Variants in VPS13B observed in about 807,000 individuals in gnomAD.
The protein encoded by VPS13B is vacuolar protein sorting 13 homolog B, also known as intermembrane lipid transfer protein VPS13B.
A neutral mutation model predicts 426.4 loss-of-function variants in VPS13B; 285 were observed. The ratio of observed to expected loss-of-function variants is 0.67; its 90% confidence interval spans 0.61 to 0.74. The LOEUF is 0.74. Among genes scored for constraint, VPS13B ranks in the 30% least tolerant of loss-of-function variants. The pLI is 0.00. For missense variants in VPS13B, 4,537 were observed against 4,782.6 expected (o/e 0.95, Z 1.51); for synonymous variants, 1,676 against 1,676.4 (o/e 1.00, Z 0.01).
At chr8:99,252,883 A>C (rs1817570734) in intron 17 of VPS13B, among the ~76,000 whole-genome samples, 1 of 152,154 alleles carries the variant, frequency 6.6e-6, no homozygotes, top group Non-Finnish European at 1.5e-5. Flanking sequence ...TATACAATTC[A>C]GGAGTTTTTA....
chr8:99,685,766 T>G (rs764060228), intron 35 of VPS13B, among the ~76,000 whole-genome samples: 4 of 152,234 alleles, frequency 2.6e-5, no homozygotes, highest in African/African-American at 4.8e-5. Flanking sequence ...GTTTTGAATT[T>G]TGCTGAATTT....
intron 19 of VPS13B, among the ~76,000 whole-genome samples, chr8:99,306,207 G>A (rs900491568): frequency 6.6e-6 from 1 of 152,022 alleles, no homozygotes; most frequent in African/African-American, 2.4e-5. Context: ...TGAACTATGT[G>A]GGCAGGATAA....
At chr8:99,292,540 G>A (rs1296038092) in intron 19 of VPS13B, among the ~76,000 whole-genome samples, 5 of 152,028 alleles carry the variant, frequency 3.3e-5, no homozygotes, top group East Asian at 1.9e-4. Flanking sequence ...GATTATAGTC[G>A]CTGAAGTAAG....
chr8:99,603,920 G>T (rs770950530), intron 33 of VPS13B, among the ~76,000 whole-genome samples: 1 of 152,138 alleles, frequency 6.6e-6, no homozygotes, highest in Non-Finnish European at 1.5e-5. Flanking sequence ...GCAGGAACCT[G>T]CTTATTCTAT....
chr8:99,832,742 G>A (rs1435161663), intron 52 of VPS13B, 90 bp downstream of exon 52: 1 of 1,334,546 alleles, frequency 7.5e-7, no homozygotes, highest in East Asian at 2.3e-5. Flanking sequence ...TGGTCGCAGG[G>A]CTCCCCATAT....
At position 99,795,699 on chromosome 8, in the gene VPS13B, C is replaced by T. The variant is rs140881206; in HGVS notation, c.7941+11223C>T. Among the ~76,000 whole-genome samples, 950 of 152,256 alleles carry T rather than the reference C, an allele frequency of 6.2e-3. 8 individuals are homozygous for T. The highest frequency in any genetic ancestry group is 0.021 in the African/African-American group (892 of 41,536). The stretch of plus-strand genomic sequence containing the variant: ...ATGGAGCTGCACTCCTCTGAAGGCT[C>T]ATCTGGTCTGGAAGATCCATCTCCA... On this transcript the variant is annotated intron_variant, in intron 43 of 61. Transcript: ENST00000357162.
Position 99,378,986 on chromosome 8 carries a change from C to T in VPS13B, c.2825-5222C>T, listed in dbSNP as rs576162123. Among the ~76,000 whole-genome samples, 4 of 152,242 alleles carry T rather than the reference C, an allele frequency of 2.6e-5. No homozygotes were observed. In the East Asian group the frequency reaches 5.8e-4, roughly 22 times the overall value. On this transcript the variant is annotated intron_variant, in intron 19 of 61. Coordinates refer to ENST00000357162, the MANE Select transcript of VPS13B (RefSeq NM_152564.5). Reference sequence around the variant, plus strand: ...ATTCCATGGCTTGTTATGAACTGGGCCACACAAAAGGAGGTGAGCAGCAGG... The same window carrying T: ...ATTCCATGGCTTGTTATGAACTGGGTCACACAAAAGGAGGTGAGCAGCAGG...
Position 99,876,145 on chromosome 8 carries a change from A to C in VPS13B, c.*479A>C, listed in dbSNP as rs1337831908. Reference sequence around the variant, plus strand: ...AGAATGTGGCCAGGCCTTACAATGGAGAGCCAGAGTTAAAACTTCAAGTTG... The same window carrying C: ...AGAATGTGGCCAGGCCTTACAATGGCGAGCCAGAGTTAAAACTTCAAGTTG... On this transcript the variant is annotated 3_prime_UTR_variant, in exon 62 of 62. Coordinates refer to ENST00000357162, the MANE Select transcript of VPS13B (RefSeq NM_152564.5). 1 of 171,302 alleles carries C rather than the reference A, an allele frequency of 5.8e-6. No homozygotes were observed. The highest frequency in any genetic ancestry group is 2.4e-5 in the African/African-American group (1 of 41,698). The allele number at this position is 171,302 out of a possible 1,614,324, so 10.6% of individuals were successfully genotyped here. A position where few individuals can be genotyped will look rare whatever the true frequency, so the allele number is the denominator to read the frequency against.
At chr8:99,452,963 T>C (rs950732213) in intron 23 of VPS13B, among the ~76,000 whole-genome samples, 1 of 152,204 alleles carries the variant, frequency 6.6e-6, no homozygotes, top group East Asian at 1.9e-4. Context: ...AGCAGATGGA[T>C]TTCTACACTG....
At position 99,784,428 on chromosome 8, in the gene VPS13B, G is replaced by A. The variant is rs145460276; in HGVS notation, c.7893G>A (p.Ala2631=). The A allele has an allele frequency of 1.7e-5, 28 of 1,613,560 alleles. No individual in the cohort carries two copies. Among genetic ancestry groups the A allele is most frequent in the Middle Eastern group, 1.6e-4 (1 of 6,082 alleles). The change falls in exon 43 of 62, where the codon GCG becomes GCA. Residue 2631 remains alanine, a synonymous_variant. Transcript: ENST00000357162. ...ATACTGATGAAAATATTCTGCTGGCGAGTCTCCACAGTCACCAGTACAGCT... is the reference window on the plus strand; with the variant it reads ...ATACTGATGAAAATATTCTGCTGGCAAGTCTCCACAGTCACCAGTACAGCT... ...QVDTDENILL[A]SLHSHQYSWR...
chr8:99,653,025 A>G (rs1165978836), intron 34 of VPS13B, among the ~76,000 whole-genome samples: 1 of 152,168 alleles, frequency 6.6e-6, no homozygotes, highest in Non-Finnish European at 1.5e-5. Context: ...GAAATCAGAA[A>G]TCTTGACTTT....
chr8:99,490,850 G>A (rs1341443102), intron 25 of VPS13B, among the ~76,000 whole-genome samples: 3 of 151,868 alleles, frequency 2.0e-5, no homozygotes, highest in South Asian at 2.1e-4. Context: ...TTCAAAAAAC[G>A]AGCTCTTGGA....
rs1326720627 is a variant in VPS13B, at chr8:99,092,689, A to G, written c.292-3623A>G. ...AAAGCAAGTTCAAATCATTGAAAGG[A>G]TTAATTTCTAATTATAGTATATACA... is the stretch of plus-strand genomic sequence containing the variant. On this transcript the variant is annotated intron_variant, in intron 3 of 61. Coordinates refer to ENST00000357162, the MANE Select transcript of VPS13B (RefSeq NM_152564.5). 2.0e-5 allele frequency among the ~76,000 whole-genome samples: 3 copies of G among 152,074 alleles called. No homozygotes were observed. The East Asian group carries it at 5.8e-4, about 29-fold the overall frequency.
At chr8:99,118,413 G>T (rs1335513258) in intron 7 of VPS13B, among the ~76,000 whole-genome samples, 1 of 151,728 alleles carries the variant, frequency 6.6e-6, no homozygotes, top group African/African-American at 2.4e-5. Flanking sequence ...TTTTTTTGGA[G>T]GTTAAATCTC....
chr8:99,497,316 GTA>G (rs1427523386), intron 25 of VPS13B, among the ~76,000 whole-genome samples: 2 of 141,690 alleles, frequency 1.4e-5, no homozygotes, highest in Non-Finnish European at 3.1e-5. Context: ...AAAATAATAT[GTA>G]TATATTTATA....
intron 35 of VPS13B, chr8:99,697,915 T>G (rs944800097): frequency 2.2e-6 from 1 of 454,220 alleles, no homozygotes; most frequent in African/African-American, 2.0e-5. Context: ...ACAAAGATGT[T>G]CATGCCTCCA....
chr8:99,374,047 G>T (rs889148626), intron 19 of VPS13B, among the ~76,000 whole-genome samples: 3 of 151,964 alleles, frequency 2.0e-5, no homozygotes, highest in Admixed American at 6.6e-5. Context: ...TTTTCAATGG[G>T]TATAGAAATC....
At chr8:99,410,629 A>G (rs184572870) in intron 21 of VPS13B, among the ~76,000 whole-genome samples, 6 of 152,082 alleles carry the variant, frequency 3.9e-5, no homozygotes, top group Admixed American at 3.9e-4. Context: ...TTTGTTACAT[A>G]GGTATACACG....
chr8:99,727,864 A>G (rs1369731935), intron 39 of VPS13B, among the ~76,000 whole-genome samples: 1 of 152,254 alleles, frequency 6.6e-6, no homozygotes, highest in Non-Finnish European at 1.5e-5. Flanking sequence ...TCCTGGCAGC[A>G]ACCAAAGAAA....
Sources: gnomAD v4.1 joint callset for allele counts (sites outside exome capture counted in the v4.1 genomes callset) on GRCh38, gnomAD v4.1.1 for gene constraint, MANE v1.5 for transcripts, NCBI Gene and HGNC (gene_info 2026-07-23, HGNC 2026-07-21) for gene names.